The following GDPD5 variants were observed in gnomAD, a reference collection of about 807,000 sequenced individuals.
GDPD5 encodes the protein glycerophosphodiester phosphodiesterase 2.
A neutral mutation model predicts 75.1 loss-of-function variants in GDPD5; 48 were observed. The observed-to-expected ratio is 0.64, with a 90% CI of 0.51 to 0.81. GDPD5 has a LOEUF of 0.81. Among genes scored for constraint, GDPD5 ranks in the 40% least tolerant of loss-of-function variants. GDPD5 has a pLI of 0.00. For missense variants in GDPD5, 706 were observed against 822.6 expected (o/e 0.86, Z 1.73); for synonymous variants, 336 against 339.0 (o/e 0.99, Z 0.10).
At chr11:75,459,195 A>G (rs1949358438) in intron 4 of GDPD5, among the ~76,000 whole-genome samples, 1 of 152,228 alleles carries the variant, frequency 6.6e-6, no homozygotes. Flanking sequence ...GCTTCCTACT[A>G]GTGGCATGAA....
chr11:75,484,069 T>C (rs1322164533), intron 2 of GDPD5, among the ~76,000 whole-genome samples: 2 of 152,052 alleles, frequency 1.3e-5, no homozygotes, highest in Admixed American at 6.5e-5. Flanking sequence ...GCGCCTGTAA[T>C]CCCAGCTATT....
intron 1 of GDPD5, among the ~76,000 whole-genome samples, chr11:75,511,614 C>A (rs58718643): frequency 6.6e-6 from 1 of 152,064 alleles, no homozygotes; most frequent in African/African-American, 2.4e-5. Flanking sequence ...TGGGTCCAGG[C>A]GGGACAAGGT....
chr11:75,455,031 G>A (rs1400972584), intron 6 of GDPD5, among the ~76,000 whole-genome samples: 1 of 152,186 alleles, frequency 6.6e-6, no homozygotes, highest in African/African-American at 2.4e-5. Flanking sequence ...CCACCTGAAA[G>A]GACCCTGCTC....
intron 16 of GDPD5, among the ~76,000 whole-genome samples, chr11:75,435,885 C>T (rs1052079904): frequency 6.6e-6 from 1 of 152,216 alleles, no homozygotes. Flanking sequence ...CACAGAAAAC[C>T]ACCTGTGCCC....
chr11:75,484,602 G>A (rs1949984120), intron 2 of GDPD5, among the ~76,000 whole-genome samples: 1 of 152,154 alleles, frequency 6.6e-6, no homozygotes, highest in Non-Finnish European at 1.5e-5. Context: ...AACTGATTGA[G>A]GTCAAGTGCC....
chr11:75,448,395 G>T, intron 9 of GDPD5: 1 of 826,420 alleles, frequency 1.2e-6, no homozygotes, highest in Non-Finnish European at 1.5e-6. Context: ...GGGGGAACCA[G>T]GCAAAGAGAT....
chr11:75,439,969 C>T lies in GDPD5; in HGVS notation c.1474-8G>A. 2 of 1,609,566 alleles carry T rather than the reference C, an allele frequency of 1.2e-6. No homozygotes were observed. The highest frequency in any genetic ancestry group is 1.7e-6 in the Non-Finnish European group (2 of 1,176,696). ...ACAGTACTCGTCCGGGGGCTGTGGA[C>T]AGACGGCCCGAGGCCAACTTCCAGT... On this transcript the variant is annotated splice_region_variant and splice_polypyrimidine_tract_variant and intron_variant, in intron 14 of 16. Transcript: ENST00000336898.
intron 4 of GDPD5, among the ~76,000 whole-genome samples, chr11:75,459,727 G>A (rs757230018): frequency 4.0e-5 from 6 of 150,822 alleles, no homozygotes; most frequent in African/African-American, 7.3e-5. Context: ...GGAGAATGGC[G>A]TGAACCTGGG....
rs527424229 is a variant in GDPD5 at position 75,435,354 on chromosome 11, C to A, written c.*153G>T. ...GGGCCTCAGGAGACAGGGAGTCCCC[C>A]TCAAGAGAGGCTGCGGCTGACAAGG... On this transcript the variant is annotated 3_prime_UTR_variant, in exon 17 of 17. Transcript: ENST00000336898. The A allele has an allele frequency of 2.2e-4, 144 of 658,036 alleles. 1 individual carries two copies. In the African/African-American group the frequency reaches 2.3e-3, roughly 10 times the overall value. The allele number at this position is 658,036 out of a possible 1,614,324, so 40.8% of individuals were successfully genotyped here. A position where few individuals can be genotyped will look rare whatever the true frequency, so the allele number is the denominator to read the frequency against.
In GDPD5 at chr11:75,442,398, CCA is replaced by C. The variant is rs759900921; in HGVS notation, c.1130_1131del (p.Leu377ArgfsTer18). 5 of 1,587,652 alleles carry C rather than the reference CCA, an allele frequency of 3.1e-6. No homozygotes were observed. Among genetic ancestry groups the C allele is most frequent in the Admixed American group, 1.8e-5 (1 of 55,816 alleles). ...GGGAAGCCGGAGTGCAGCACGGCCT[CCA>C]GAGTCACGTTGATAAAACTGCTGCG... ...PYRSSFINVT[L>X]EAVLHSGFPQ... On this transcript the variant is annotated frameshift_variant, in exon 12 of 17. Coordinates refer to ENST00000336898, the MANE Select transcript of GDPD5 (RefSeq NM_030792.8). LOFTEE classifies it high-confidence loss of function.
intron 14 of GDPD5, 86 bp from the exon 15 acceptor site, chr11:75,440,047 C>T (rs1308322649): frequency 6.2e-6 from 6 of 973,526 alleles, no homozygotes; most frequent in Non-Finnish European, 1.6e-6. Flanking sequence ...ACCAAAGGAC[C>T]CCACATGGCC....
intron 9 of GDPD5, among the ~76,000 whole-genome samples, chr11:75,448,319 C>T (rs113714614): frequency 2.6e-5 from 4 of 152,328 alleles, no homozygotes; most frequent in Non-Finnish European, 5.9e-5. Flanking sequence ...GGGCACTGCA[C>T]ACATGCTAAC....
intron 3 of GDPD5, among the ~76,000 whole-genome samples, chr11:75,469,711 G>A (rs920433047): frequency 1.3e-5 from 2 of 152,176 alleles, no homozygotes; most frequent in African/African-American, 2.4e-5. Context: ...GTGATACTTC[G>A]ATCTAAAGAA....
At chr11:75,479,722 CTCT>C (rs1284695366) in intron 2 of GDPD5, among the ~76,000 whole-genome samples, 1 of 152,130 alleles carries the variant, frequency 6.6e-6, no homozygotes, top group African/African-American at 2.4e-5. Flanking sequence ...GGCTTCACTC[CTCT>C]GGCCCTGGCA....
chr11:75,487,978 T>C (rs1228314071), intron 2 of GDPD5, among the ~76,000 whole-genome samples: 3 of 152,242 alleles, frequency 2.0e-5, no homozygotes, highest in Non-Finnish European at 2.9e-5. Flanking sequence ...GATTTCAGAC[T>C]GCTAAGTCAC....
At position 75,449,988 on chromosome 11, in the gene GDPD5, AG is replaced by A; in HGVS notation, c.376-6del. ...CAGGATGACCACCAGCCCGATCTGG[AG>A]GGGGAAGAGTCACCGGACAGAGGCT... is the stretch of plus-strand genomic sequence containing the variant. On this transcript the variant is annotated splice_region_variant and splice_polypyrimidine_tract_variant and intron_variant, in intron 6 of 16. Transcript: ENST00000336898. 1.9e-6 allele frequency: 3 copies of A among 1,612,614 alleles called. No individual in the cohort carries two copies. Among genetic ancestry groups the A allele is most frequent in the South Asian group, 1.1e-5 (1 of 91,060 alleles).
chr11:75,446,906 G>A (rs1379814304), intron 9 of GDPD5, among the ~76,000 whole-genome samples: 11 of 151,646 alleles, frequency 7.3e-5, no homozygotes, highest in African/African-American at 2.4e-4. Flanking sequence ...TTTTTGAGAC[G>A]GAATTTCACT....
intron 1 of GDPD5, among the ~76,000 whole-genome samples, chr11:75,509,696 T>C (rs769293272): frequency 1.3e-5 from 2 of 152,184 alleles, no homozygotes; most frequent in Non-Finnish European, 2.9e-5. Flanking sequence ...TTTTTCTTTT[T>C]TGAGATGGAG....
intron 11 of GDPD5, chr11:75,442,820 G>A (rs1053311681): frequency 9.9e-6 from 6 of 603,314 alleles, no homozygotes; most frequent in African/African-American, 9.3e-5. Flanking sequence ...CAGACCCACA[G>A]CATTTCTCCT....
Sources: gnomAD v4.1 joint callset for allele counts (sites outside exome capture counted in the v4.1 genomes callset) on GRCh38, gnomAD v4.1.1 for gene constraint, MANE v1.5 for transcripts, NCBI Gene and HGNC (gene_info 2026-07-23, HGNC 2026-07-21) for gene names.